STXBP6: variants seen among roughly 807,000 people sequenced by gnomAD.
STXBP6 encodes syntaxin binding protein 6.
Under a neutral mutation model 26.9 loss-of-function variants are expected in STXBP6, and 21 were observed. The ratio of observed to expected loss-of-function variants is 0.78; its 90% CI spans 0.55 to 1.12. STXBP6 has a LOEUF of 1.12. Ranked by LOEUF, STXBP6 falls within the 50% of genes most tolerant of loss-of-function variation. The pLI is 0.00. For synonymous variants in STXBP6, 97 were observed against 92.6 expected (o/e 1.05, Z -0.27); for missense variants, 232 against 257.9 (o/e 0.90, Z 0.69).
chr14:24,907,995 C>T (rs2139692781), intron 2 of STXBP6, among the ~76,000 whole-genome samples: 1 of 152,178 alleles, frequency 6.6e-6, no homozygotes, highest in Middle Eastern at 3.4e-3. Flanking sequence ...CACAGCAACT[C>T]CCTGAGTTCC....
chr14:24,946,947 G>A (rs1228390885), intron 2 of STXBP6, among the ~76,000 whole-genome samples: 1 of 152,076 alleles, frequency 6.6e-6, no homozygotes, highest in Non-Finnish European at 1.5e-5. Flanking sequence ...TTTAGCAGTT[G>A]GATGACAAGA....
At chr14:24,945,014 A>G (rs147257353) in intron 2 of STXBP6, among the ~76,000 whole-genome samples, 1,544 of 151,970 alleles carry the variant, frequency 0.01, 28 homozygotes, top group African/African-American at 0.034. Flanking sequence ...TTAATTCAAC[A>G]AACTGCTTAT....
At chr14:24,944,759 T>C (rs1183361242) in intron 2 of STXBP6, among the ~76,000 whole-genome samples, 1 of 152,136 alleles carries the variant, frequency 6.6e-6, no homozygotes, top group African/African-American at 2.4e-5. Context: ...ACCATCTTCT[T>C]CACCTGTTTT....
intron 2 of STXBP6, among the ~76,000 whole-genome samples, chr14:24,947,393 T>C (rs1274517449): frequency 6.6e-6 from 1 of 152,132 alleles, no homozygotes; most frequent in African/African-American, 2.4e-5. Context: ...GAGACGGCGA[T>C]GGAGAAGTAA....
At chr14:25,000,363 T>C (rs776285748) in intron 1 of STXBP6, among the ~76,000 whole-genome samples, 2 of 110,484 alleles carry the variant, frequency 1.8e-5, no homozygotes, top group South Asian at 3.3e-4. Flanking sequence ...GTGCCTGGCC[T>C]TTTTTTTTTT....
intron 4 of STXBP6, 76 bp from the exon 5 acceptor site, chr14:24,819,270 T>C (rs2138740701): frequency 6.4e-7 from 1 of 1,568,452 alleles, no homozygotes. Context: ...AGGGTGAGTA[T>C]CCTGTAAGAG....
rs78466603 is a variant in STXBP6 at position 25,001,488 on chromosome 14, C to T, written c.-32-26638G>A. Among the ~76,000 whole-genome samples, 200 of 152,242 alleles carry T rather than the reference C, an allele frequency of 1.3e-3. 1 individual carries two copies. The highest frequency in any genetic ancestry group is 4.5e-3 in the African/African-American group (188 of 41,558). The stretch of plus-strand genomic sequence containing the variant: ...AATAGGGGTTGGTTGCCAGAAGGAC[C>T]AAGGCATGATTAGAGGGTTGGAACT... On this transcript the variant is annotated intron_variant, in intron 1 of 5. Coordinates refer to ENST00000323944, the MANE Select transcript of STXBP6 (RefSeq NM_001394410.1).
chr14:24,913,108 C>A (rs2071633244), intron 2 of STXBP6, among the ~76,000 whole-genome samples: 1 of 152,080 alleles, frequency 6.6e-6, no homozygotes, highest in Non-Finnish European at 1.5e-5. Flanking sequence ...TGGTATGAAA[C>A]TCAAATTATC....
intron 4 of STXBP6, among the ~76,000 whole-genome samples, chr14:24,830,003 T>C (rs2068410311): frequency 6.6e-6 from 1 of 152,154 alleles, no homozygotes; most frequent in South Asian, 2.1e-4. Context: ...TTGAAAGCCA[T>C]ATCTGAAGAC....
chr14:24,857,753 G>A (rs2069390144), intron 2 of STXBP6, among the ~76,000 whole-genome samples: 1 of 151,592 alleles, frequency 6.6e-6, no homozygotes, highest in Admixed American at 6.6e-5. Context: ...CTGGTGTTCT[G>A]GGCACACCTC....
At chr14:24,997,909 A>C (rs560885979) in intron 1 of STXBP6, among the ~76,000 whole-genome samples, 1 of 152,282 alleles carries the variant, frequency 6.6e-6, no homozygotes, top group Non-Finnish European at 1.5e-5. Flanking sequence ...TATTTTTAAA[A>C]ACTATATTTC....
intron 2 of STXBP6, among the ~76,000 whole-genome samples, chr14:24,897,413 A>C (rs2071034644): frequency 3.6e-5 from 4 of 110,326 alleles, no homozygotes. Flanking sequence ...CTGTCTCAAA[A>C]AAAAAAAAAA....
At chr14:25,005,981 T>A (rs2074888217) in intron 1 of STXBP6, among the ~76,000 whole-genome samples, 1 of 152,108 alleles carries the variant, frequency 6.6e-6, no homozygotes, top group Non-Finnish European at 1.5e-5. Flanking sequence ...ACTTTAGGGA[T>A]TTTGATCTTT....
At chr14:24,986,485 G>A (rs144444790) in intron 1 of STXBP6, among the ~76,000 whole-genome samples, 2,874 of 152,280 alleles carry the variant, frequency 0.019, 32 homozygotes, top group Non-Finnish European at 0.029. Context: ...ATGTGCTGGT[G>A]TTGGTGGTCT....
intron 1 of STXBP6, among the ~76,000 whole-genome samples, chr14:24,999,115 A>G (rs910864688): frequency 3.9e-5 from 6 of 152,214 alleles, no homozygotes; most frequent in African/African-American, 1.4e-4. Flanking sequence ...TTGAACATGC[A>G]TTTAACACCC....
intron 2 of STXBP6, among the ~76,000 whole-genome samples, chr14:24,886,768 T>C (rs894601550): frequency 1.8e-4 from 28 of 152,202 alleles, no homozygotes; most frequent in African/African-American, 6.8e-4. Flanking sequence ...TTAGCTACCT[T>C]AGAATTTTAA....
intron 2 of STXBP6, among the ~76,000 whole-genome samples, chr14:24,923,162 C>A (rs1375909076): frequency 6.6e-6 from 1 of 152,040 alleles, no homozygotes; most frequent in Non-Finnish European, 1.5e-5. Context: ...ATGCCCATGT[C>A]ATTATTCATA....
chr14:25,034,722 T>G (rs971378618), intron 1 of STXBP6, among the ~76,000 whole-genome samples: 1 of 152,164 alleles, frequency 6.6e-6, no homozygotes, highest in African/African-American at 2.4e-5. Flanking sequence ...CCACAAAATG[T>G]CCTTAGCACA....
At chr14:24,843,265 C>A (rs999068583) in intron 4 of STXBP6, among the ~76,000 whole-genome samples, 37 of 152,164 alleles carry the variant, frequency 2.4e-4, no homozygotes, top group Admixed American at 1.3e-3. Flanking sequence ...TTAGCATTCA[C>A]AGGCTTTTTT....
Sources: allele counts gnomAD v4.1 joint callset (sites outside exome capture counted in the v4.1 genomes callset), GRCh38; gene constraint gnomAD v4.1.1; transcripts MANE v1.5; gene names NCBI Gene and HGNC (gene_info 2026-07-23, HGNC 2026-07-21).